MSRA: variants seen among roughly 807,000 people sequenced by gnomAD.
MSRA encodes the protein mitochondrial peptide methionine sulfoxide reductase.
A neutral mutation model predicts 31.3 loss-of-function variants in MSRA; 54 were observed. That is an observed-to-expected ratio of 1.73 (90% CI 1.39 to 2.17). MSRA has a LOEUF of 2.17. MSRA is among the 30% of genes most tolerant of loss of function. MSRA has a pLI of 0.00. For missense variants in MSRA, 507 were observed against 300.9 expected, an observed-to-expected ratio of 1.69 and a Z score of -5.07; for synonymous variants, 169 against 116.5, an observed-to-expected ratio of 1.45 and a Z score of -2.90.
intron 3 of MSRA, among the ~76,000 whole-genome samples, chr8:10,288,865 G>A (rs1173810016): frequency 6.6e-6 from 1 of 152,116 alleles, no homozygotes; most frequent in Non-Finnish European, 1.5e-5. Context: ...TGGCTAATGT[G>A]CAGAATGAAT....
At chr8:10,231,668 T>A (rs985551705) in intron 2 of MSRA, among the ~76,000 whole-genome samples, 2 of 152,156 alleles carry the variant, frequency 1.3e-5, no homozygotes, top group Admixed American at 6.5e-5. Flanking sequence ...TTTGGGAGGC[T>A]GAGGTGGGCA....
chr8:10,112,691 A>G (rs955844998), intron 1 of MSRA, among the ~76,000 whole-genome samples: 2 of 152,218 alleles, frequency 1.3e-5, no homozygotes, highest in Non-Finnish European at 2.9e-5. Flanking sequence ...ACTCTAATGT[A>G]GTGATATAAA....
intron 1 of MSRA, among the ~76,000 whole-genome samples, chr8:10,147,032 G>A (rs566355346): frequency 1.3e-5 from 2 of 152,340 alleles, no homozygotes; most frequent in East Asian, 3.9e-4. Context: ...GCAGAGGCGA[G>A]GTGGCCCTTC....
chr8:10,207,780 G>A (rs1585170584), intron 1 of MSRA, 53 bp from the exon 2 acceptor site: 6 of 1,497,358 alleles, frequency 4.0e-6, no homozygotes, highest in Non-Finnish European at 5.5e-6. Context: ...ACATGTGTTA[G>A]TATGTGTTAG....
intron 3 of MSRA, among the ~76,000 whole-genome samples, chr8:10,292,374 C>T (rs984318423): frequency 3.3e-5 from 5 of 152,248 alleles, no homozygotes; most frequent in African/African-American, 9.6e-5. Flanking sequence ...GAGCCACTGT[C>T]ACTAAGCACA....
intron 1 of MSRA, among the ~76,000 whole-genome samples, chr8:10,205,557 C>T (rs539538412): frequency 7.8e-4 from 118 of 152,254 alleles, no homozygotes; most frequent in African/African-American, 2.7e-3. Context: ...TGGGTTTCAG[C>T]TGGGCCATCG....
chr8:10,127,834 A>G (rs1192908039), intron 1 of MSRA, among the ~76,000 whole-genome samples: 1 of 152,164 alleles, frequency 6.6e-6, no homozygotes, highest in Non-Finnish European at 1.5e-5. Context: ...TTTTATCTTG[A>G]TGGTGTTTTG....
At chr8:10,238,414 C>T (rs1329699812) in intron 2 of MSRA, among the ~76,000 whole-genome samples, 1 of 152,134 alleles carries the variant, frequency 6.6e-6, no homozygotes, top group Non-Finnish European at 1.5e-5. Flanking sequence ...TAATCTTTTT[C>T]CCACTAGAGT....
intron 1 of MSRA, among the ~76,000 whole-genome samples, chr8:10,149,716 C>T (rs1361855862): frequency 1.3e-5 from 2 of 151,500 alleles, no homozygotes; most frequent in Admixed American, 6.6e-5. Context: ...AAAATAAATG[C>T]ATGTACATAT....
intron 4 of MSRA, among the ~76,000 whole-genome samples, chr8:10,315,408 C>G (rs1245693339): frequency 6.6e-6 from 1 of 152,226 alleles, no homozygotes; most frequent in Non-Finnish European, 1.5e-5. Context: ...CTTGGCTGTA[C>G]TCTCTTTCTT....
At chr8:10,340,870 C>T (rs1803384274) in intron 5 of MSRA, among the ~76,000 whole-genome samples, 1 of 152,220 alleles carries the variant, frequency 6.6e-6, no homozygotes, top group African/African-American at 2.4e-5. Context: ...CCCTACTTGT[C>T]TTCACAGAAA....
At chr8:10,236,625 A>C (rs1010216505) in intron 2 of MSRA, among the ~76,000 whole-genome samples, 1 of 152,134 alleles carries the variant, frequency 6.6e-6, no homozygotes, top group Non-Finnish European at 1.5e-5. Context: ...GCTCGCTGCA[A>C]CCTCTGCCTC....
intron 1 of MSRA, among the ~76,000 whole-genome samples, chr8:10,083,311 T>C (rs1039015005): frequency 1.5e-4 from 23 of 152,350 alleles, no homozygotes; most frequent in African/African-American, 5.5e-4. Context: ...AATATTCTAA[T>C]TGAGAGACAT....
intron 3 of MSRA, among the ~76,000 whole-genome samples, chr8:10,262,756 T>C (rs1798547578): frequency 1.3e-5 from 2 of 152,204 alleles, no homozygotes; most frequent in Non-Finnish European, 2.9e-5. Context: ...GAAGGTGAAT[T>C]GCAGGCCTCC....
intron 1 of MSRA, among the ~76,000 whole-genome samples, chr8:10,143,366 G>A (rs942801674): frequency 6.6e-6 from 1 of 152,110 alleles, no homozygotes; most frequent in Non-Finnish European, 1.5e-5. Context: ...TCAGAAAAGG[G>A]TCCCTTCACG....
chr8:10,348,838 T>C (rs184665944), intron 5 of MSRA, among the ~76,000 whole-genome samples: 70 of 152,266 alleles, frequency 4.6e-4, no homozygotes, highest in African/African-American at 1.6e-3. Context: ...AGGAGAAGGC[T>C]TGGGGGGGAC....
chr8:10,177,253 A>G lies in MSRA; in HGVS notation c.143-30580A>G, dbSNP rs548968628. On this transcript the variant is annotated intron_variant, in intron 1 of 5. Coordinates refer to ENST00000317173, the MANE Select transcript of MSRA (RefSeq NM_012331.5). ...CAGGACAGACAGGTGGTGCTGATTC[A>G]TTGGTGGGGGATTGGTTTATTTCCC... Among the ~76,000 whole-genome samples the G allele has an allele frequency of 2.0e-5, 3 of 152,336 alleles. No homozygotes were observed. The South Asian group carries it at 6.2e-4, about 32-fold the overall frequency.
chr8:10,055,548 G>C (rs1226581971), intron 1 of MSRA, among the ~76,000 whole-genome samples: 1 of 152,198 alleles, frequency 6.6e-6, no homozygotes, highest in African/African-American at 2.4e-5. Flanking sequence ...TTACTGAATC[G>C]GAGACTCTGG....
intron 1 of MSRA, among the ~76,000 whole-genome samples, chr8:10,170,042 A>ATTTT (rs59946635): frequency 2.8e-4 from 25 of 90,276 alleles, no homozygotes; most frequent in African/African-American, 7.7e-4. Flanking sequence ...CCTGGCTAAT[A>ATTTT]TTTTTTTTTT....
Sources: allele counts gnomAD v4.1 joint callset (sites outside exome capture counted in the v4.1 genomes callset), GRCh38; gene constraint gnomAD v4.1.1; transcripts MANE v1.5; gene names NCBI Gene and HGNC (gene_info 2026-07-23, HGNC 2026-07-21).